Variants in CDH4 observed in about 807,000 individuals in gnomAD.
The protein encoded by CDH4 is cadherin-4.
Under a neutral mutation model 86.0 loss-of-function variants are expected in CDH4, and 33 were observed. The observed-to-expected ratio is 0.38, with a 90% CI of 0.29 to 0.51. CDH4 has a LOEUF of 0.51. Among genes scored for constraint, CDH4 ranks in the 20% least tolerant of loss-of-function variants. The pLI is 0.86. For missense variants in CDH4, 1,114 were observed against 1,307.4 expected (o/e 0.85, Z 2.28); for synonymous variants, 555 against 549.4 (o/e 1.01, Z -0.14).
At chr20:61,409,858 CGGTT>C (rs11470494) in intron 2 of CDH4, among the ~76,000 whole-genome samples, 6,442 of 152,312 alleles carry the variant, frequency 0.042, 409 homozygotes, top group African/African-American at 0.15. Flanking sequence ...TCATAATTAA[CGGTT>C]GGGGGGCTTA....
intron 2 of CDH4, among the ~76,000 whole-genome samples, chr20:61,382,580 C>CTT (rs2084909335): frequency 6.6e-6 from 1 of 152,206 alleles, no homozygotes; most frequent in South Asian, 2.1e-4. Flanking sequence ...ACCACAGGGA[C>CTT]TTATCTTTTC....
intron 2 of CDH4, among the ~76,000 whole-genome samples, chr20:61,318,670 G>A (rs1205990715): frequency 6.6e-6 from 1 of 152,220 alleles, no homozygotes; most frequent in Non-Finnish European, 1.5e-5. Context: ...TCAATGCATA[G>A]CCACTGATGA....
At chr20:61,668,225 C>T (rs749848026) in intron 2 of CDH4, among the ~76,000 whole-genome samples, 3 of 152,146 alleles carry the variant, frequency 2.0e-5, no homozygotes, top group Non-Finnish European at 2.9e-5. Flanking sequence ...ATTTATCTAG[C>T]GGGAGGAGCT....
intron 9 of CDH4, among the ~76,000 whole-genome samples, chr20:61,915,775 GC>G (rs1412226712): frequency 3.3e-5 from 5 of 152,204 alleles, no homozygotes; most frequent in African/African-American, 4.8e-5. Flanking sequence ...CATGAGAGAA[GC>G]GTGGAGGAGA....
chr20:61,408,274 C>T lies in CDH4; in HGVS notation c.169+153337C>T, dbSNP rs7268583. 7.7e-3 allele frequency among the ~76,000 whole-genome samples: 1,176 copies of T among 152,238 alleles called. 18 individuals carry two copies. The highest frequency in any genetic ancestry group is 0.027 in the African/African-American group (1,118 of 41,546). ...TCTGTAAAAGCTCTGGAGGTTAGGG[C>T]GTGGGCATCTCAGGGGAGCCATTGT... On this transcript the variant is annotated intron_variant, in intron 2 of 15. Transcript: ENST00000614565.
In CDH4 at chr20:61,393,067, TTCC is replaced by T. The variant is rs2084995707; in HGVS notation, c.169+138135_169+138137del. Among the ~76,000 whole-genome samples the T allele has an allele frequency of 6.6e-6, 1 of 152,102 alleles. No individual in the cohort carries two copies. The highest frequency in any genetic ancestry group is 1.5e-5 in the Non-Finnish European group (1 of 68,022). On this transcript the variant is annotated intron_variant, in intron 2 of 15. Transcript: ENST00000614565. The surrounding 1 kb of genome is among the most constrained non-coding windows in gnomAD (Gnocchi z 4.3). ...CCCTCGGTGATCAGGGCCGTTTATT[TTCC>T]TCCTAATTTCTTACTGAATTGATTC...
intron 2 of CDH4, among the ~76,000 whole-genome samples, chr20:61,364,915 G>A (rs535201989): frequency 1.6e-3 from 242 of 152,246 alleles, no homozygotes; most frequent in Non-Finnish European, 2.9e-3. Context: ...GCAGAGTGGG[G>A]ACAGCAGGAA....
intron 6 of CDH4, among the ~76,000 whole-genome samples, chr20:61,859,987 G>A (rs544079335): frequency 6.4e-4 from 97 of 152,328 alleles, no homozygotes; most frequent in African/African-American, 2.3e-3. Context: ...GGTGGCCCCA[G>A]GCAAGCTCCT....
intron 2 of CDH4, among the ~76,000 whole-genome samples, chr20:61,677,027 G>A (rs2087451597): frequency 6.6e-6 from 1 of 152,188 alleles, no homozygotes; most frequent in Non-Finnish European, 1.5e-5. Flanking sequence ...ACCAGACAGA[G>A]AGAGGACAGG....
chr20:61,570,777 C>T, intron 2 of CDH4: 1 of 702,322 alleles, frequency 1.4e-6, no homozygotes, highest in Non-Finnish European at 2.6e-6. Flanking sequence ...GTGATGATGC[C>T]ACTGTAATAA....
In CDH4 at chr20:61,438,987, A is replaced by G. The variant is rs546736226; in HGVS notation, c.169+184050A>G. 1.6e-4 allele frequency among the ~76,000 whole-genome samples: 25 copies of G among 152,196 alleles called. No individual in the cohort carries two copies. In the South Asian group the frequency reaches 4.8e-3, roughly 29 times the overall value. ...ATAAAATTTCATTCTTATTTACACAATGAAAACACATTGGGTAAAGCTTTT... is the reference window on the plus strand; with the variant it reads ...ATAAAATTTCATTCTTATTTACACAGTGAAAACACATTGGGTAAAGCTTTT... On this transcript the variant is annotated intron_variant, in intron 2 of 15. Coordinates refer to ENST00000614565, the MANE Select transcript of CDH4 (RefSeq NM_001794.5).
intron 2 of CDH4, among the ~76,000 whole-genome samples, chr20:61,581,676 G>A (rs74575504): frequency 0.022 from 3,333 of 152,202 alleles, 116 homozygotes; most frequent in African/African-American, 0.067. Context: ...GGCTGCCTCC[G>A]TGACCCAGGG....
At chr20:61,330,856 T>G (rs2084568935) in intron 2 of CDH4, among the ~76,000 whole-genome samples, 1 of 152,220 alleles carries the variant, frequency 6.6e-6, no homozygotes, top group African/African-American at 2.4e-5. Flanking sequence ...CTGTACTTGC[T>G]TAGAATATTC....
rs896225807 is a variant in CDH4, at chr20:61,516,037, G to GC, written c.170-227519dup. Among the ~76,000 whole-genome samples the GC allele has an allele frequency of 5.9e-5, 9 of 151,878 alleles. No individual in the cohort carries two copies. Among genetic ancestry groups the GC allele is most frequent in the African/African-American group, 1.5e-4 (6 of 41,300 alleles). Reference sequence around the variant, plus strand: ...CCCATCTTCCCCTGGGCTCTGGAACGCCCCCCCAATACGATTCCACCGCAG... The same window carrying GC: ...CCCATCTTCCCCTGGGCTCTGGAACGCCCCCCCCAATACGATTCCACCGCAG... On this transcript the variant is annotated intron_variant, in intron 2 of 15. Coordinates refer to ENST00000614565, the MANE Select transcript of CDH4 (RefSeq NM_001794.5). The surrounding 1 kb of genome is among the most constrained non-coding windows in gnomAD (Gnocchi z 4.0).
At chr20:61,853,775 G>T (rs111361810) in intron 6 of CDH4, among the ~76,000 whole-genome samples, 130 of 152,178 alleles carry the variant, frequency 8.5e-4, no homozygotes, top group Non-Finnish European at 1.5e-3. Flanking sequence ...CAAACCCCAG[G>T]GGGCTTCTGT....
chr20:61,773,958 G>A (rs997253260), intron 4 of CDH4, among the ~76,000 whole-genome samples: 3 of 152,238 alleles, frequency 2.0e-5, no homozygotes, highest in Admixed American at 2.0e-4. Flanking sequence ...ATGGGAGGAA[G>A]AGAGCAGCCA....
intron 2 of CDH4, among the ~76,000 whole-genome samples, chr20:61,513,766 A>C (rs1373144661): frequency 6.6e-5 from 10 of 152,160 alleles, no homozygotes; most frequent in Admixed American, 5.9e-4. Flanking sequence ...CCTTCCCTAG[A>C]GTGGAGGCCC....
intron 2 of CDH4, among the ~76,000 whole-genome samples, chr20:61,402,758 A>T (rs1002585999): frequency 6.6e-6 from 1 of 152,198 alleles, no homozygotes; most frequent in Admixed American, 6.5e-5. Flanking sequence ...GAACCCATGG[A>T]TATGGAGGGC....
intron 3 of CDH4, among the ~76,000 whole-genome samples, chr20:61,744,651 G>A (rs1162793773): frequency 6.6e-6 from 1 of 152,116 alleles, no homozygotes; most frequent in Non-Finnish European, 1.5e-5. Context: ...CAGGATCCCA[G>A]CTGCCCTCCG....
Sources: allele counts gnomAD v4.1 joint callset (sites outside exome capture counted in the v4.1 genomes callset), GRCh38; gene constraint gnomAD v4.1.1; non-coding constraint Gnocchi (gnomAD v3.1); transcripts MANE v1.5; gene names NCBI Gene and HGNC (gene_info 2026-07-23, HGNC 2026-07-21).